The following APLF variants were observed in gnomAD, a reference collection of about 807,000 sequenced individuals.
APLF encodes aprataxin and PNKP like factor.
Under a neutral mutation model 55.6 loss-of-function variants are expected in APLF, and 61 were observed. The observed-to-expected ratio is 1.10, with a 90% CI of 0.89 to 1.36. APLF has a LOEUF of 1.36. APLF is among the 40% of genes most tolerant of loss of function. APLF has a pLI of 0.00. For missense variants in APLF, 611 were observed against 602.5 expected (o/e 1.01, Z -0.15); for synonymous variants, 207 against 214.8 (o/e 0.96, Z 0.32).
intron 1 of APLF, among the ~76,000 whole-genome samples, chr2:68,481,506 G>A (rs1019596045): frequency 7.0e-6 from 1 of 142,682 alleles, no homozygotes; most frequent in Non-Finnish European, 1.6e-5. Flanking sequence ...TATGTGACTT[G>A]ATGATTTTTT....
chr2:68,546,335 ACATTTAAAGAAGAAGCACTT>A (rs1670703741), intron 8 of APLF, among the ~76,000 whole-genome samples: 1 of 152,080 alleles, frequency 6.6e-6, no homozygotes, highest in African/African-American at 2.4e-5. Context: ...GTTCTAACAA[ACATTTAAAGAAGAAGCACTT>A]CATTTTTACA....
intron 7 of APLF, 94 bp downstream of exon 7, chr2:68,538,321 C>A: frequency 8.9e-7 from 1 of 1,120,596 alleles, no homozygotes; most frequent in Non-Finnish European, 1.2e-6. Context: ...CTTAATAAAA[C>A]CCACTGGCCT....
intron 3 of APLF, among the ~76,000 whole-genome samples, chr2:68,508,455 T>G (rs1224975137): frequency 6.6e-6 from 1 of 151,888 alleles, no homozygotes. Flanking sequence ...CATATAAAAA[T>G]TAACTTACAA....
At chr2:68,503,304 CTCTT>C (rs917020898) in intron 3 of APLF, among the ~76,000 whole-genome samples, 2 of 152,010 alleles carry the variant, frequency 1.3e-5, no homozygotes, top group African/African-American at 4.8e-5. Flanking sequence ...TGTCTAACTC[CTCTT>C]TCTTATAAAA....
rs747680621 is a variant in APLF at position 68,526,171 on chromosome 2, A to T, written c.733A>T (p.Thr245Ser). ...AATTTCATCAGGAAGTTCAGAAAAT[A>T]CATCAGCAGAACAAGACACAGGAGA... is the stretch of plus-strand genomic sequence containing the variant. ...QLISSGSSENTSAEQDTGEEC... is the reference protein window; with the variant it reads ...QLISSGSSENSSAEQDTGEEC... The change falls in exon 6 of 10, where the codon ACA (threonine) becomes TCA (serine). Residue 245 changes from threonine to serine, a missense_variant. Transcript: ENST00000303795. 1 of 1,614,064 alleles carries T rather than the reference A, an allele frequency of 6.2e-7. No homozygotes were observed. Among genetic ancestry groups the T allele is most frequent in the Non-Finnish European group, 8.5e-7 (1 of 1,179,982 alleles).
intron 8 of APLF, among the ~76,000 whole-genome samples, chr2:68,557,353 C>T (rs1314882253): frequency 6.6e-6 from 1 of 152,186 alleles, no homozygotes; most frequent in Non-Finnish European, 1.5e-5. Context: ...GACCTAACTA[C>T]ATTTTCAGTC....
chr2:68,551,950 G>C (rs1670879626), intron 8 of APLF, among the ~76,000 whole-genome samples: 1 of 152,008 alleles, frequency 6.6e-6, no homozygotes, highest in Non-Finnish European at 1.5e-5. Flanking sequence ...TAGATAGATA[G>C]TAGCTAGTTT....
intron 2 of APLF, 142 bp from the exon 3 acceptor site, chr2:68,502,589 A>T: frequency 2.2e-6 from 1 of 445,340 alleles, no homozygotes; most frequent in Non-Finnish European, 3.6e-6. Flanking sequence ...TTAAACTTTT[A>T]AGTCTAAGTT....
In APLF at chr2:68,538,077, A is replaced by C. The variant is rs1670445876; in HGVS notation, c.1010A>C (p.Gln337Pro). 8.7e-6 allele frequency: 14 copies of C among 1,614,038 alleles called. No individual in the cohort carries two copies. Among genetic ancestry groups the C allele is most frequent in the African/African-American group, 1.3e-5 (1 of 74,944 alleles). The change falls in exon 7 of 10, where the codon CAG (glutamine) becomes CCG (proline). Residue 337 changes from glutamine (Q) to proline (P), a missense_variant. By Grantham distance (76) the Gln-to-Pro change is moderately conservative. Transcript: ENST00000303795. ...NCSSAQGDSLQDESQGSHSES... is the reference protein window; with the variant it reads ...NCSSAQGDSLPDESQGSHSES... The stretch of plus-strand genomic sequence containing the variant: ...TCGAGTGCCCAGGGCGACTCACTTC[A>C]GGATGAGTCTCAAGGGTCTCATTCT...
intron 7 of APLF, among the ~76,000 whole-genome samples, chr2:68,542,469 C>G (rs1025965533): frequency 6.7e-6 from 1 of 149,530 alleles, no homozygotes; most frequent in Non-Finnish European, 1.5e-5. Flanking sequence ...AACAAATTAC[C>G]CAATTTGAAA....
intron 2 of APLF, among the ~76,000 whole-genome samples, chr2:68,499,484 T>G (rs1253693664): frequency 2.6e-5 from 4 of 152,214 alleles, no homozygotes; most frequent in Non-Finnish European, 5.9e-5. Context: ...AAAAGATTTT[T>G]AATTATTGAT....
chr2:68,549,831 G>A (rs1670807912), intron 8 of APLF, among the ~76,000 whole-genome samples: 1 of 151,968 alleles, frequency 6.6e-6, no homozygotes, highest in African/African-American at 2.4e-5. Context: ...CTGTAAATTT[G>A]TCCTCAGTGA....
chr2:68,500,947 G>A (rs969201934), intron 2 of APLF, among the ~76,000 whole-genome samples: 2 of 152,182 alleles, frequency 1.3e-5, no homozygotes, highest in African/African-American at 4.8e-5. Flanking sequence ...TGTTAGCATG[G>A]TGAAAGATTT....
chr2:68,519,262 ATATAATATAT>A (rs1196734612), intron 5 of APLF, among the ~76,000 whole-genome samples: 2 of 138,028 alleles, frequency 1.4e-5, no homozygotes, highest in Non-Finnish European at 3.1e-5. Flanking sequence ...TTTATATATA[ATATAATATAT>A]TATATGTATA....
chr2:68,476,653 C>T (rs1358647299), intron 1 of APLF, among the ~76,000 whole-genome samples: 1 of 151,796 alleles, frequency 6.6e-6, no homozygotes, highest in Admixed American at 6.6e-5. Flanking sequence ...ATATATTGTG[C>T]AATAGTTACC....
At chr2:68,565,514 GATACATAC>G (rs372500629) in intron 8 of APLF, among the ~76,000 whole-genome samples, 97 of 149,030 alleles carry the variant, frequency 6.5e-4, no homozygotes, top group East Asian at 2.0e-3. Context: ...TAGACAGATA[GATACATAC>G]ATACATACAT....
chr2:68,559,892 G>C (rs139207636), intron 8 of APLF, among the ~76,000 whole-genome samples: 3 of 152,038 alleles, frequency 2.0e-5, no homozygotes, highest in African/African-American at 7.2e-5. Context: ...ATAACAAACT[G>C]TCATGGCTTA....
chr2:68,491,224 C>T (rs1676350709), intron 2 of APLF, among the ~76,000 whole-genome samples: 1 of 152,116 alleles, frequency 6.6e-6, no homozygotes, highest in Non-Finnish European at 1.5e-5. Flanking sequence ...GTGTTAATAT[C>T]TGGAGTCAAC....
chr2:68,545,831 A>G (rs1317981371), intron 8 of APLF, among the ~76,000 whole-genome samples: 1 of 152,168 alleles, frequency 6.6e-6, no homozygotes, highest in Admixed American at 6.6e-5. Flanking sequence ...TTTCTTTATC[A>G]GAACATCTTT....
Sources: allele counts gnomAD v4.1 joint callset (sites outside exome capture counted in the v4.1 genomes callset), GRCh38; gene constraint gnomAD v4.1.1; transcripts MANE v1.5; gene names NCBI Gene and HGNC (gene_info 2026-07-23, HGNC 2026-07-21).